SLIT3: variants seen among roughly 807,000 people sequenced by gnomAD.
SLIT3 encodes slit homolog 3 protein.
A neutral mutation model predicts 184.0 loss-of-function variants in SLIT3; 68 were observed. The observed-to-expected ratio is 0.37, with a 90% CI of 0.30 to 0.45. The LOEUF (loss-of-function observed/expected upper bound fraction) is 0.45. SLIT3 is among the 20% of genes least tolerant of loss of function. The probability of loss-of-function intolerance (pLI) is 1.00; values close to 1 mark genes in which losing one functional copy is unlikely to be tolerated. For missense variants in SLIT3, 1,707 were observed against 2,026.0 expected (o/e 0.84, Z 3.02); for synonymous variants, 831 against 828.6 (o/e 1.00, Z -0.05).
At chr5:168,912,185 T>C (rs567564509) in intron 4 of SLIT3, among the ~76,000 whole-genome samples, 20 of 152,352 alleles carry the variant, frequency 1.3e-4, no homozygotes, top group African/African-American at 3.8e-4. Context: ...ATAACATTTT[T>C]CCCCTAGCTT....
At chr5:168,974,623 G>C (rs140966204) in intron 4 of SLIT3, among the ~76,000 whole-genome samples, 196 of 152,278 alleles carry the variant, frequency 1.3e-3, no homozygotes, top group African/African-American at 4.5e-3. Flanking sequence ...TCTTAGAAGA[G>C]GCTTTTGGGC....
rs891921 is a variant in SLIT3, at chr5:168,785,946, A to G, written c.1112T>C (p.Val371Ala). 0.9 allele frequency: 1,446,146 copies of G among 1,611,656 alleles called. 649,750 individuals are homozygous for G. Among genetic ancestry groups the G allele is most frequent in the African/African-American group, 0.98 (73,522 of 74,928 alleles). ...CACCAGCCCATCAAACAGTCCCTTG[A>G]CAATCTCGGTGATCTTGTTCCCATA... ...VLYGNKITEI[V>A]KGLFDGLVSL... Residue 371 changes from valine to alanine, a missense_variant, in exon 12 of 36, where the codon GTC (valine) becomes GCC (alanine). Physicochemically the swap from Val to Ala is moderately conservative, Grantham distance 64. Around this residue, in one of 3 missense-constraint regions of SLIT3, gnomAD observed 1,307 missense variants for 1,511.6 expected, o/e 0.86. Transcript: ENST00000519560.
intron 4 of SLIT3, among the ~76,000 whole-genome samples, chr5:169,101,449 C>A (rs75170578): frequency 0.017 from 2,522 of 152,282 alleles, 37 homozygotes; most frequent in East Asian, 0.035. Flanking sequence ...ATCCCACTAA[C>A]AGTGTGATAG....
In SLIT3 at chr5:168,951,317, G is replaced by C. The variant is rs551450894; in HGVS notation, c.414-67981C>G. ...ATACAGCACATCTAAGCCATGGGGGGCAGGGAAAGGGAATATTATACATAA... is the reference window on the plus strand; with the variant it reads ...ATACAGCACATCTAAGCCATGGGGGCCAGGGAAAGGGAATATTATACATAA... On this transcript the variant is annotated intron_variant, in intron 4 of 35. Transcript: ENST00000519560. Among the ~76,000 whole-genome samples, 5 of 152,284 alleles carry C rather than the reference G, an allele frequency of 3.3e-5. No homozygotes were observed. In the South Asian group the frequency reaches 6.2e-4, roughly 19 times the overall value.
intron 4 of SLIT3, among the ~76,000 whole-genome samples, chr5:169,013,558 A>G (rs1263554702): frequency 6.6e-6 from 1 of 152,176 alleles, no homozygotes; most frequent in Non-Finnish European, 1.5e-5. Flanking sequence ...CTGGATGCTT[A>G]TTAAAGGCCA....
intron 4 of SLIT3, among the ~76,000 whole-genome samples, chr5:168,953,601 G>A (rs143486355): frequency 7.2e-5 from 11 of 152,316 alleles, no homozygotes; most frequent in Non-Finnish European, 1.5e-4. Flanking sequence ...AAGATAATTG[G>A]TGCAAAGCAC....
intron 4 of SLIT3, among the ~76,000 whole-genome samples, chr5:168,889,399 A>T (rs1581181176): frequency 6.6e-6 from 1 of 152,320 alleles, no homozygotes; most frequent in South Asian, 2.1e-4. Flanking sequence ...TCCTGAAAGA[A>T]CTGACACCTA....
chr5:168,951,474 A>G (rs1018055889), intron 4 of SLIT3, among the ~76,000 whole-genome samples: 17 of 152,094 alleles, frequency 1.1e-4, no homozygotes, highest in African/African-American at 3.6e-4. Flanking sequence ...GCATTCTGCA[A>G]GAGACTAGCA....
chr5:169,212,853 T>C (rs1025546137), intron 3 of SLIT3, among the ~76,000 whole-genome samples: 1 of 152,252 alleles, frequency 6.6e-6, no homozygotes, highest in African/African-American at 2.4e-5. Context: ...GTTTCAGTTT[T>C]CTGCATATGG....
chr5:168,950,023 C>G (rs1269050413), intron 4 of SLIT3, among the ~76,000 whole-genome samples: 1 of 152,184 alleles, frequency 6.6e-6, no homozygotes, highest in Non-Finnish European at 1.5e-5. Flanking sequence ...AATATACATA[C>G]AGTCTGCTGT....
intron 4 of SLIT3, among the ~76,000 whole-genome samples, chr5:169,130,618 T>C (rs894070883): frequency 1.3e-5 from 2 of 152,232 alleles, no homozygotes; most frequent in Non-Finnish European, 2.9e-5. Flanking sequence ...TAGCCCAAAG[T>C]AGGCACCTGA....
intron 4 of SLIT3, among the ~76,000 whole-genome samples, chr5:168,998,569 T>A (rs1028543886): frequency 1.7e-4 from 26 of 151,960 alleles, no homozygotes; most frequent in African/African-American, 6.0e-4. Context: ...CTGGGAGTGG[T>A]GGCGCATACC....
intron 32 of SLIT3, among the ~76,000 whole-genome samples, chr5:168,678,388 G>T (rs1018219163): frequency 5.9e-5 from 9 of 152,110 alleles, no homozygotes; most frequent in African/African-American, 1.9e-4. Context: ...TGTAATCCTA[G>T]CACTTTGGGA....
intron 16 of SLIT3, among the ~76,000 whole-genome samples, chr5:168,757,124 T>A (rs1356795275): frequency 6.6e-6 from 1 of 151,322 alleles, no homozygotes. Context: ...TGCATGGAGG[T>A]TTTGTAAGAG....
intron 4 of SLIT3, among the ~76,000 whole-genome samples, chr5:169,156,244 C>A (rs1439213427): frequency 6.6e-6 from 1 of 152,156 alleles, no homozygotes; most frequent in African/African-American, 2.4e-5. Flanking sequence ...AGTGAGAAAT[C>A]AATACAGTGG....
intron 4 of SLIT3, chr5:169,023,526 C>T (rs1741666763): frequency 6.6e-6 from 1 of 152,168 alleles, no homozygotes; most frequent in Non-Finnish European, 1.5e-5. Context: ...TTCTGTGGAC[C>T]TAGGAGGCTG....
At chr5:169,189,759 T>G (rs1029124682) in intron 4 of SLIT3, among the ~76,000 whole-genome samples, 12 of 151,932 alleles carry the variant, frequency 7.9e-5, no homozygotes, top group African/African-American at 2.7e-4. Context: ...TTGTTCAAAT[T>G]CTTTAACCTT....
At chr5:168,870,085 A>G (rs1759456857) in intron 5 of SLIT3, among the ~76,000 whole-genome samples, 1 of 152,262 alleles carries the variant, frequency 6.6e-6, no homozygotes, top group Non-Finnish European at 1.5e-5. Context: ...TGCTCCAATA[A>G]AAGAGACCCA....
intron 20 of SLIT3, among the ~76,000 whole-genome samples, chr5:168,728,031 T>C (rs1424620673): frequency 6.6e-6 from 1 of 152,046 alleles, no homozygotes; most frequent in African/African-American, 2.4e-5. Context: ...TGACCTGAGA[T>C]TGACAGTGGC....
Sources: allele counts gnomAD v4.1 joint callset (sites outside exome capture counted in the v4.1 genomes callset), GRCh38; gene constraint gnomAD v4.1.1; regional missense constraint gnomAD v4.1.1; transcripts MANE v1.5; gene names NCBI Gene and HGNC (gene_info 2026-07-23, HGNC 2026-07-21).